The following MYO16 variants were observed in gnomAD, a reference collection of about 807,000 sequenced individuals.
MYO16 encodes the protein myosin XVI, also known as unconventional myosin-XVI.
In MYO16, 94 loss-of-function variants were observed where a neutral mutation model predicts 205.3. The observed-to-expected ratio is 0.46, with a 90% CI of 0.39 to 0.54. The LOEUF (loss-of-function observed/expected upper bound fraction) is 0.54, where lower values mean the gene tolerates loss of function less well. MYO16 is among the 20% of genes least tolerant of loss of function. MYO16 has a pLI of 0.00. For missense variants in MYO16, 2,315 were observed against 2,387.5 expected (o/e 0.97, Z 0.63); for synonymous variants, 988 against 954.0 (o/e 1.04, Z -0.66).
Position 108,755,884 on chromosome 13 carries a change from T to C in MYO16, c.507+28301T>C, listed in dbSNP as rs1420581050. 2.6e-5 allele frequency among the ~76,000 whole-genome samples: 4 copies of C among 152,298 alleles called. No homozygotes were observed. In the East Asian group the frequency reaches 5.8e-4, roughly 22 times the overall value. On this transcript the variant is annotated intron_variant, in intron 4 of 34. Transcript: ENST00000457511. ...AATAAACCATCTTGTAAAGATGTAT[T>C]AAATATTCAGGAATTTTCTTAATCA...
chr13:108,790,895 CTTG>C (rs1233074556), intron 5 of MYO16, among the ~76,000 whole-genome samples: 2 of 152,028 alleles, frequency 1.3e-5, no homozygotes, highest in Admixed American at 6.6e-5. Context: ...TGTTTTTAAT[CTTG>C]TTGTGTTTTT....
chr13:108,704,951 A>C (rs1286419729), intron 2 of MYO16, among the ~76,000 whole-genome samples: 8 of 149,640 alleles, frequency 5.3e-5, no homozygotes, highest in African/African-American at 1.5e-4. Flanking sequence ...AAAAAAAAAC[A>C]AAAAAAAACC....
chr13:108,650,514 A>C (rs1249409267), intron 1 of MYO16, among the ~76,000 whole-genome samples: 4 of 152,212 alleles, frequency 2.6e-5, no homozygotes, highest in African/African-American at 9.7e-5. Context: ...GAAGATGTTG[A>C]TCAAAGATGA....
chr13:108,762,917 T>C (rs1885657397), intron 4 of MYO16, among the ~76,000 whole-genome samples: 2 of 151,484 alleles, frequency 1.3e-5, no homozygotes, highest in African/African-American at 2.4e-5. Flanking sequence ...CAAATTTACC[T>C]GCTTTTCAAA....
intron 17 of MYO16, among the ~76,000 whole-genome samples, chr13:108,958,155 TATATC>T (rs1252229837): frequency 1.7e-5 from 2 of 116,846 alleles, no homozygotes; most frequent in African/African-American, 2.9e-5. Flanking sequence ...ATATTTATAA[TATATC>T]ATTTTAAAAT....
intron 13 of MYO16, among the ~76,000 whole-genome samples, chr13:108,884,632 G>T (rs1345564970): frequency 7.6e-6 from 1 of 131,548 alleles, no homozygotes; most frequent in African/African-American, 2.9e-5. Flanking sequence ...GCGTCAAGGT[G>T]GGGGCTCCAA....
At chr13:108,630,015 C>T (rs749784275) in intron 1 of MYO16, 143 bp downstream of exon 1, 58 of 595,596 alleles carry the variant, frequency 9.7e-5, no homozygotes, top group Non-Finnish European at 1.4e-4. Flanking sequence ...GAATATTTTA[C>T]AGGCTGGATA....
chr13:108,868,047 G>C (rs1286596892), intron 12 of MYO16, among the ~76,000 whole-genome samples: 1 of 152,112 alleles, frequency 6.6e-6, no homozygotes, highest in East Asian at 1.9e-4. Context: ...TCCTTTTGTG[G>C]ATATATGGCA....
At chr13:109,205,599 C>A (rs763007088) in intron 34 of MYO16, among the ~76,000 whole-genome samples, 2 of 151,802 alleles carry the variant, frequency 1.3e-5, no homozygotes, top group African/African-American at 2.4e-5. Flanking sequence ...TTTTTTTAAA[C>A]CAGTATACTT....
rs1274954220 is a variant in MYO16 at position 109,038,753 on chromosome 13, AT to A, written c.2797-8157del. Among the ~76,000 whole-genome samples the A allele has an allele frequency of 5.3e-5, 8 of 152,140 alleles. No homozygotes were observed. The East Asian group carries it at 9.7e-4, about 18-fold the overall frequency. On this transcript the variant is annotated intron_variant, in intron 23 of 34. Transcript: ENST00000457511. Reference sequence around the variant, plus strand: ...TTTTTTTTAGAATCAAATTTGTTATATTTTTTAAATCAAAATTTTAAAGAAT... The same window carrying A: ...TTTTTTTTAGAATCAAATTTGTTATATTTTTAAATCAAAATTTTAAAGAAT...
At chr13:108,500,251 T>C in the MYO16 span, among the ~76,000 whole-genome samples, 1 of 90,420 alleles carries the variant, frequency 1.1e-5, no homozygotes, top group African/African-American at 4.1e-5. Flanking sequence ...GTTTTTTTTT[T>C]TTGAGACGGA....
chr13:108,763,297 T>C (rs762318887), intron 4 of MYO16, among the ~76,000 whole-genome samples: 62 of 152,322 alleles, frequency 4.1e-4, no homozygotes, highest in Non-Finnish European at 6.2e-4. Context: ...ATGTCATGCA[T>C]AAAATCTTAG....
chr13:108,809,626 A>C (rs1887223143), intron 7 of MYO16, among the ~76,000 whole-genome samples: 2 of 152,212 alleles, frequency 1.3e-5, no homozygotes, highest in Non-Finnish European at 1.5e-5. Flanking sequence ...CTCACTCATT[A>C]TCGTGAGGAC....
chr13:108,645,227 A>T (rs1463100601), intron 1 of MYO16, among the ~76,000 whole-genome samples: 1 of 152,210 alleles, frequency 6.6e-6, no homozygotes, highest in African/African-American at 2.4e-5. Flanking sequence ...CATTGATAAG[A>T]TCTGACACAT....
At position 109,133,497 on chromosome 13, in the gene MYO16, CT is replaced by C. The variant is rs1876634702; in HGVS notation, c.4051+5950del. On this transcript the variant is annotated intron_variant, in intron 31 of 34. Transcript: ENST00000457511. ...TAGCAAAAATACCAAATGGAAAATA[CT>C]TTGTAGGAGAAAATGTTGATCTCCT... Among the ~76,000 whole-genome samples, 10 of 152,238 alleles carry C rather than the reference CT, an allele frequency of 6.6e-5. 1 individual carries two copies. In the South Asian group the frequency reaches 2.1e-3, roughly 32 times the overall value.
the MYO16 span, among the ~76,000 whole-genome samples, chr13:108,546,080 G>A: frequency 7.2e-5 from 11 of 152,292 alleles, no homozygotes; most frequent in Admixed American, 1.3e-4. Context: ...ACTGTTCTGC[G>A]TGAGTGCAGA....
intron 31 of MYO16, among the ~76,000 whole-genome samples, chr13:109,132,800 T>G (rs1375248564): frequency 2.0e-5 from 3 of 152,170 alleles, no homozygotes; most frequent in Admixed American, 6.5e-5. Flanking sequence ...CAGTTGTACA[T>G]CCAACAAATA....
intron 5 of MYO16, among the ~76,000 whole-genome samples, chr13:108,787,183 G>A (rs997038064): frequency 3.9e-5 from 6 of 152,112 alleles, no homozygotes; most frequent in African/African-American, 1.4e-4. Context: ...AAGAGTGTGG[G>A]AGGAAATTTG....
At chr13:109,111,608 C>A (rs1319199467) in intron 28 of MYO16, among the ~76,000 whole-genome samples, 1 of 151,816 alleles carries the variant, frequency 6.6e-6, no homozygotes, top group Non-Finnish European at 1.5e-5. Flanking sequence ...ATTTTAATTG[C>A]AGAAAAGAAG....
Sources: allele counts gnomAD v4.1 joint callset (sites outside exome capture counted in the v4.1 genomes callset), GRCh38; gene constraint gnomAD v4.1.1; transcripts MANE v1.5; gene names NCBI Gene and HGNC (gene_info 2026-07-23, HGNC 2026-07-21).